The following RPTOR variants were observed in gnomAD, a reference collection of about 807,000 sequenced individuals.
RPTOR encodes the protein regulatory-associated protein of mTOR.
In RPTOR, 21 loss-of-function variants were observed where a neutral mutation model predicts 169.9. That is an observed-to-expected ratio of 0.12 (90% CI 0.09 to 0.18). The LOEUF is 0.18. Among genes scored for constraint, RPTOR ranks in the 10% least tolerant of loss-of-function variants. The pLI is 1.00. For missense variants in RPTOR, 1,133 were observed against 1,855.9 expected, an observed-to-expected ratio of 0.61 and a Z score of 7.16; for synonymous variants, 732 against 753.2, an observed-to-expected ratio of 0.97 and a Z score of 0.46.
At chr17:80,948,040 C>T (rs2069123769) in intron 27 of RPTOR, among the ~76,000 whole-genome samples, 1 of 152,242 alleles carries the variant, frequency 6.6e-6, no homozygotes, top group South Asian at 2.1e-4. Context: ...TGTCCATTGC[C>T]TGTTGCTGAT....
intron 2 of RPTOR, among the ~76,000 whole-genome samples, chr17:80,634,764 CTGTGCGTGTGTGTACTG>C (rs2065490059): frequency 8.2e-6 from 1 of 122,680 alleles, no homozygotes; most frequent in Non-Finnish European, 1.7e-5. Context: ...TGTGTGCGTA[CTGTGCGTGTGTGTACTG>C]TGTGCATGTG....
At chr17:80,872,694 C>T (rs1325601849) in intron 13 of RPTOR, among the ~76,000 whole-genome samples, 1 of 152,242 alleles carries the variant, frequency 6.6e-6, no homozygotes, top group Admixed American at 6.5e-5. Context: ...GCCCAGCCAT[C>T]CCAGTTCCAG....
rs1293186070 is a variant in RPTOR, at chr17:80,626,813, T to TTA, written c.265+1021_265+1022insAT. 2.3e-3 allele frequency among the ~76,000 whole-genome samples: 263 copies of TTA among 114,990 alleles called. 2 individuals carry two copies. The highest frequency in any genetic ancestry group is 2.8e-3 in the South Asian group (11 of 3,888). 75.4% of individuals were successfully genotyped at this position (114,990 alleles called of 152,430 possible). ...TATTATTATTATTATTATTATTATTTTTCATTCTAGGAATTATTAAGTGTA... is the reference window on the plus strand; with the variant it reads ...TATTATTATTATTATTATTATTATTTTATTCATTCTAGGAATTATTAAGTGTA... On this transcript the variant is annotated intron_variant, in intron 2 of 33. Transcript: ENST00000306801.
At chr17:80,700,626 T>C (rs1403513704) in intron 3 of RPTOR, among the ~76,000 whole-genome samples, 7 of 56,766 alleles carry the variant, frequency 1.2e-4, no homozygotes, top group Non-Finnish European at 2.2e-4. Flanking sequence ...GTGGTGGTGG[T>C]GGCGGCGATG....
At position 80,771,422 on chromosome 17, in the gene RPTOR, C is replaced by T. The variant is rs182790646; in HGVS notation, c.830+17237C>T. Among the ~76,000 whole-genome samples the T allele has an allele frequency of 4.8e-3, 725 of 152,298 alleles. 4 individuals are homozygous for T. The highest frequency in any genetic ancestry group is 0.016 in the African/African-American group (684 of 41,550). ...CCAGCAAGAGGGCACTCCCGCCGCC[C>T]GCTGGCCCTCCTGGGCCTCATTGCC... On this transcript the variant is annotated intron_variant, in intron 6 of 33. Coordinates refer to ENST00000306801, the MANE Select transcript of RPTOR (RefSeq NM_020761.3).
At chr17:80,922,849 T>C (rs1171913329) in intron 22 of RPTOR, 22 bp downstream of exon 22, 1 of 1,537,570 alleles carries the variant, frequency 6.5e-7, no homozygotes, top group East Asian at 2.4e-5. Context: ...CCGCTCAGCC[T>C]GCAGGTCCGT....
At chr17:80,778,803 C>T (rs1375690170) in intron 6 of RPTOR, among the ~76,000 whole-genome samples, 1 of 152,152 alleles carries the variant, frequency 6.6e-6, no homozygotes, top group Non-Finnish European at 1.5e-5. Context: ...GACCTGGTCT[C>T]TTAAAAGAAT....
chr17:80,958,831 G>T (rs959267934), intron 29 of RPTOR, among the ~76,000 whole-genome samples: 2 of 152,240 alleles, frequency 1.3e-5, no homozygotes, highest in African/African-American at 4.8e-5. Flanking sequence ...GCCGCGCTCA[G>T]CAGAAATCTA....
At chr17:80,702,983 A>G (rs1233661950) in intron 3 of RPTOR, among the ~76,000 whole-genome samples, 1 of 152,164 alleles carries the variant, frequency 6.6e-6, no homozygotes, top group Admixed American at 6.5e-5. Context: ...TGACAATTTC[A>G]CTAGAAAATC....
chr17:80,578,937 G>A (rs921726430), intron 1 of RPTOR, among the ~76,000 whole-genome samples: 1 of 152,166 alleles, frequency 6.6e-6, no homozygotes, highest in Non-Finnish European at 1.5e-5. Flanking sequence ...TCCCTGGAGG[G>A]TGCTGGACAG....
chr17:80,680,826 G>A (rs2065892496), intron 3 of RPTOR, among the ~76,000 whole-genome samples: 1 of 152,080 alleles, frequency 6.6e-6, no homozygotes, highest in South Asian at 2.1e-4. Flanking sequence ...GCAAAGATCC[G>A]CGTATAAAAT....
chr17:80,912,700 GC>G (rs1371160807), intron 21 of RPTOR, among the ~76,000 whole-genome samples: 1 of 152,060 alleles, frequency 6.6e-6, no homozygotes, highest in African/African-American at 2.4e-5. Flanking sequence ...TGGACGGCCC[GC>G]CCCCCTCTCC....
chr17:80,883,964 A>G lies in RPTOR; in HGVS notation c.1834A>G (p.Ile612Val), dbSNP rs1598376739. 1.2e-6 allele frequency: 2 copies of G among 1,608,860 alleles called. No individual in the cohort carries two copies. Among genetic ancestry groups the G allele is most frequent in the Admixed American group, 3.3e-5 (2 of 59,936 alleles). ...GCTCTACAGCCTCCTCTCCGACCCC[A>G]TTCCCGAGGTGAGTCAGGCGGGGGC... ...EKLYSLLSDP[I>V]PEVRCAAVFA... The change falls in exon 16 of 34, where the codon ATT (isoleucine) becomes GTT (valine). Residue 612 changes from isoleucine to valine, a missense_variant. This residue lies in a region of RPTOR where 289 missense variants were observed against 585.8 expected (regional missense o/e 0.49). Transcript: ENST00000306801.
chr17:80,653,021 C>CTTA (rs1286837853), intron 3 of RPTOR, among the ~76,000 whole-genome samples: 15 of 152,154 alleles, frequency 9.9e-5, no homozygotes, highest in Non-Finnish European at 1.8e-4. Flanking sequence ...TTTTCATGTG[C>CTTA]TTATTGGCCA....
At chr17:80,885,208 G>C (rs1371945488) in intron 17 of RPTOR, 60 bp downstream of exon 17, 1 of 1,529,800 alleles carries the variant, frequency 6.5e-7, no homozygotes, top group Non-Finnish European at 8.8e-7. Flanking sequence ...GTGACACCTG[G>C]GGCCAAGCCC....
At chr17:80,614,951 C>T (rs2065298151) in intron 1 of RPTOR, among the ~76,000 whole-genome samples, 1 of 152,160 alleles carries the variant, frequency 6.6e-6, no homozygotes, top group Non-Finnish European at 1.5e-5. Flanking sequence ...CCACCTTTGG[C>T]CTTGTCCTGC....
At position 80,545,437 on chromosome 17, in the gene RPTOR, C is replaced by G. The variant is rs2084262379; in HGVS notation, c.-193C>G. On this transcript the variant is annotated 5_prime_UTR_variant, in exon 1 of 34. Transcript: ENST00000306801. ...CATTTCCTAGCGGCCCCCACCTCCC[C>G]ACTTCCCGCTCAGAGTTAGAGATAA... 1 of 472,826 alleles carries G rather than the reference C, an allele frequency of 2.1e-6. No homozygotes were observed. Among genetic ancestry groups the G allele is most frequent in the African/African-American group, 2.0e-5 (1 of 49,890 alleles). 29.3% of individuals were successfully genotyped at this position (472,826 alleles called of 1,614,324 possible).
intron 5 of RPTOR, among the ~76,000 whole-genome samples, chr17:80,734,002 G>A (rs922361542): frequency 6.6e-5 from 10 of 151,856 alleles, no homozygotes; most frequent in Middle Eastern, 3.4e-3. Context: ...ATTGTCTTTC[G>A]TTCTCTGACC....
rs146472762 is a variant in RPTOR at position 80,579,182 on chromosome 17, A to G, written c.162+33391A>G. 1.5e-4 allele frequency among the ~76,000 whole-genome samples: 22 copies of G among 151,572 alleles called. No homozygotes were observed. In the South Asian group the frequency reaches 1.9e-3, roughly 13 times the overall value. On this transcript the variant is annotated intron_variant, in intron 1 of 33. Transcript: ENST00000306801. ...TCCCTTCCTGATCTTTTATTTATTT[A>G]TTTGTTTATTTATTTATTTATTTAT...
Sources: gnomAD v4.1 joint callset for allele counts (sites outside exome capture counted in the v4.1 genomes callset) on GRCh38, gnomAD v4.1.1 for gene constraint, gnomAD v4.1.1 regional missense constraint, MANE v1.5 for transcripts, NCBI Gene and HGNC (gene_info 2026-07-23, HGNC 2026-07-21) for gene names.